CA1: variants seen among roughly 807,000 people sequenced by gnomAD.
CA1 encodes the protein carbonate dehydratase I.
In CA1, 27 loss-of-function variants were observed where a neutral mutation model predicts 28.8. The observed-to-expected ratio is 0.94, with a 90% CI of 0.69 to 1.29. The LOEUF (loss-of-function observed/expected upper bound fraction) is 1.29, where lower values mean the gene tolerates loss of function less well. CA1 is among the 50% of genes most tolerant of loss of function. The pLI is 0.00. For missense variants in CA1, 335 were observed against 310.5 expected (o/e 1.08, Z -0.59); for synonymous variants, 121 against 108.8 (o/e 1.11, Z -0.70).
In CA1 at chr8:85,336,977, G is replaced by C; in HGVS notation, c.322C>G (p.His108Asp). 6.2e-7 allele frequency: 1 copy of C among 1,611,140 alleles called. No individual in the cohort carries two copies. Among genetic ancestry groups the C allele is most frequent in the Non-Finnish European group, 8.5e-7 (1 of 1,177,452 alleles). Reference protein sequence around the residue: ...WGSTNEHGSEHTVDGVKYSAE... With the variant: ...WGSTNEHGSEDTVDGVKYSAE... ...GAATATTTGACTCCATCCACTGTAT[G>C]TTCTGAACCATGCTCATTTGTACTG... is the stretch of plus-strand genomic sequence containing the variant. The change falls in exon 4 of 8, where the codon CAT becomes GAT. Residue 108 changes from histidine to aspartate, a missense_variant. By Grantham distance (81) the His-to-Asp change is moderately conservative (BLOSUM62 -1). Transcript: ENST00000523022.
intron 7 of CA1, 151 bp from the exon 8 acceptor site, chr8:85,328,827 T>A: frequency 2.2e-6 from 1 of 449,652 alleles, no homozygotes; most frequent in South Asian, 4.6e-5. Flanking sequence ...CCAAATCCTT[T>A]ACATTCATTT....
At chr8:85,350,476 TC>T (rs1264547629) in intron 1 of CA1, among the ~76,000 whole-genome samples, 3 of 152,184 alleles carry the variant, frequency 2.0e-5, no homozygotes, top group Non-Finnish European at 4.4e-5. Context: ...GTGATGGAGT[TC>T]CTTAATATGC....
chr8:85,374,097 A>G (rs1810325530), intron 1 of CA1, among the ~76,000 whole-genome samples: 1 of 152,214 alleles, frequency 6.6e-6, no homozygotes, highest in Non-Finnish European at 1.5e-5. Context: ...TTTTACCACA[A>G]AAAGAATACA....
chr8:85,355,963 G>A (rs1532424), intron 1 of CA1, among the ~76,000 whole-genome samples: 1 of 151,696 alleles, frequency 6.6e-6, no homozygotes, highest in East Asian at 1.9e-4. Flanking sequence ...CCATGACAAC[G>A]TGTGGACTGA....
intron 4 of CA1, among the ~76,000 whole-genome samples, chr8:85,335,016 A>AAAAAT (rs1554694634): frequency 2.6e-5 from 4 of 151,450 alleles, no homozygotes; most frequent in Non-Finnish European, 5.9e-5. Flanking sequence ...ATAACGACAA[A>AAAAAT]AAATAAAGAC....
At chr8:85,371,715 A>G (rs923416522) in intron 1 of CA1, among the ~76,000 whole-genome samples, 1 of 152,178 alleles carries the variant, frequency 6.6e-6, no homozygotes, top group Non-Finnish European at 1.5e-5. Flanking sequence ...GAGTGAAGCT[A>G]CTTTAGAGAA....
chr8:85,359,999 G>T (rs1809734549), intron 1 of CA1, among the ~76,000 whole-genome samples: 3 of 152,150 alleles, frequency 2.0e-5, no homozygotes, highest in South Asian at 2.1e-4. Flanking sequence ...TACGTTTTCT[G>T]GTTGTAGCAT....
chr8:85,366,165 CT>C (rs11395706), intron 1 of CA1, among the ~76,000 whole-genome samples: 4,081 of 128,248 alleles, frequency 0.032, 87 homozygotes, highest in South Asian at 0.1. Context: ...CTTTCTTCCC[CT>C]TTTTTTTTTT....
Position 85,328,570 on chromosome 8 carries a change from G to A in CA1, c.776C>T (p.Ala259Val). The change falls in exon 8 of 8, where the codon GCT becomes GTT. Residue 259 changes from alanine to valine, a missense_variant. Physicochemically the swap from Ala to Val is moderately conservative, Grantham distance 64 (BLOSUM62 0). Transcript: ENST00000523022. ...TTCTTCTCAGAATCATCAAAATGAA[G>A]CTCTCACTGTTCTGCCCTTCAGAGG... The part of the protein sequence containing the change: ...TQPLKGRTVR[A>V]SF 6.3e-7 allele frequency: 1 copy of A among 1,594,644 alleles called. No individual in the cohort carries two copies. Among genetic ancestry groups the A allele is most frequent in the Non-Finnish European group, 8.6e-7 (1 of 1,162,968 alleles).
In CA1 at chr8:85,328,696, T is replaced by G. The variant is rs1157136106; in HGVS notation, c.670-20A>C. On this transcript the variant is annotated intron_variant, in intron 7 of 7. Transcript: ENST00000523022. ...TGCCAGCTAGAAGGATAAAATATTT[T>G]AAAAATAAAAAGTTTTTAAAGTTAC... The G allele has an allele frequency of 2.7e-6, 4 of 1,488,836 alleles. No homozygotes were observed. The highest frequency in any genetic ancestry group is 3.7e-6 in the Non-Finnish European group (4 of 1,071,632). The allele number at this position is 1,488,836 out of a possible 1,614,324, so 92.2% of individuals were successfully genotyped here.
In CA1 at chr8:85,329,743, A is replaced by T. The variant is rs770461761; in HGVS notation, c.615T>A (p.Tyr205Ter). 13 of 1,608,664 alleles carry T rather than the reference A, an allele frequency of 8.1e-6. No individual in the cohort carries two copies. The highest frequency in any genetic ancestry group is 1.7e-5 in the Admixed American group (1 of 59,488). ...YPGSLTHPPL[Y>*]ESVTWIICKE... ...TACAGATGATCCAAGTTACACTCTC[A>T]TAAAGAGGAGGATGAGTCAGAGAGC... The change falls in exon 7 of 8, where the codon TAT (tyrosine) becomes TAA (stop). Residue 205 changes from tyrosine to a stop codon, truncating the protein, a stop_gained. Transcript: ENST00000523022. LOFTEE classifies it high-confidence loss of function.
At chr8:85,328,814 GC>G (rs1376791729) in intron 7 of CA1, 138 bp from the exon 8 acceptor site, 4 of 490,966 alleles carry the variant, frequency 8.1e-6, no homozygotes, top group Non-Finnish European at 1.4e-5. Context: ...AAGAGAGAAA[GC>G]CCCAAATCCT....
intron 5 of CA1, 113 bp downstream of exon 5, chr8:85,333,412 A>G (rs993101484): frequency 8.5e-6 from 6 of 702,202 alleles, no homozygotes; most frequent in Admixed American, 8.2e-5. Context: ...CATCGGTTAA[A>G]TGGAAACTTT....
intron 1 of CA1, among the ~76,000 whole-genome samples, chr8:85,345,276 T>A (rs1216546069): frequency 6.6e-6 from 1 of 152,188 alleles, no homozygotes; most frequent in African/African-American, 2.4e-5. Context: ...TCCAGATTGC[T>A]CTGTACCCAG....
chr8:85,350,289 G>A (rs940898289), intron 1 of CA1, among the ~76,000 whole-genome samples: 1 of 152,182 alleles, frequency 6.6e-6, no homozygotes, highest in African/African-American at 2.4e-5. Context: ...TTCTCCTGTG[G>A]TTTCTTAGGG....
intron 1 of CA1, among the ~76,000 whole-genome samples, chr8:85,361,654 T>A (rs1809800815): frequency 6.6e-6 from 1 of 152,022 alleles, no homozygotes; most frequent in African/African-American, 2.4e-5. Context: ...CTGGGTGCAA[T>A]GTGAGATGCC....
chr8:85,331,749 C>T (rs1042574350), intron 6 of CA1, among the ~76,000 whole-genome samples: 1 of 152,054 alleles, frequency 6.6e-6, no homozygotes, highest in South Asian at 2.1e-4. Flanking sequence ...TGAGCCACCA[C>T]ACCCGGCCAT....
At chr8:85,342,346 T>G (rs1808962817) in intron 1 of CA1, among the ~76,000 whole-genome samples, 1 of 152,328 alleles carries the variant, frequency 6.6e-6, no homozygotes, top group South Asian at 2.1e-4. Context: ...AATAGCTCTA[T>G]ATAATTTATA....
At chr8:85,342,488 T>C (rs1808969661) in intron 1 of CA1, among the ~76,000 whole-genome samples, 1 of 152,206 alleles carries the variant, frequency 6.6e-6, no homozygotes, top group Non-Finnish European at 1.5e-5. Context: ...AGCCAAGACT[T>C]CAGCCTCCTA....
Sources: allele counts gnomAD v4.1 joint callset (sites outside exome capture counted in the v4.1 genomes callset), GRCh38; gene constraint gnomAD v4.1.1; transcripts MANE v1.5; gene names NCBI Gene and HGNC (gene_info 2026-07-23, HGNC 2026-07-21).